Variants in H6PD observed in about 807,000 individuals in gnomAD.
H6PD encodes hexose-6-phosphate dehydrogenase/glucose 1-dehydrogenase, also known as GDH/6PGL endoplasmic bifunctional protein.
H6PD carries 48 observed loss-of-function variants against 61.2 expected under a neutral mutation model. The ratio of observed to expected loss-of-function variants is 0.78; its 90% CI spans 0.62 to 1.00. H6PD has a LOEUF of 1.00. H6PD is among the 50% of genes least tolerant of loss of function. The pLI is 0.00. For missense variants in H6PD, 1,093 were observed against 1,065.0 expected, an observed-to-expected ratio of 1.03 and a Z score of -0.37; for synonymous variants, 480 against 457.9, an observed-to-expected ratio of 1.05 and a Z score of -0.62.
At chr1:9,247,466 C>T (rs1052635555) in intron 3 of H6PD, among the ~76,000 whole-genome samples, 3 of 152,146 alleles carry the variant, frequency 2.0e-5, no homozygotes, top group East Asian at 1.9e-4. Flanking sequence ...CACTCCCCCT[C>T]GCGTCCCCCT....
rs1488721994 is a variant in H6PD, at chr1:9,247,051, A to G, written c.713A>G (p.Glu238Gly). The part of the protein sequence containing the change: ...LWNRHHVERV[E>G]IIMKETVDAE... ...AACCGGCACCATGTGGAGCGGGTGGAGATCATCATGAAAGAGACCGTGGAT... is the reference window on the plus strand; with the variant it reads ...AACCGGCACCATGTGGAGCGGGTGGGGATCATCATGAAAGAGACCGTGGAT... Residue 238 changes from glutamate (E) to glycine (G), a missense_variant, in exon 3 of 5, where the codon GAG (glutamate) becomes GGG (glycine). By Grantham distance (98) the Glu-to-Gly change is moderately conservative (BLOSUM62 -2). Coordinates refer to ENST00000377403, the MANE Select transcript of H6PD (RefSeq NM_004285.4). 1 of 1,613,310 alleles carries G rather than the reference A, an allele frequency of 6.2e-7. No homozygotes were observed. Among genetic ancestry groups the G allele is most frequent in the East Asian group, 2.2e-5 (1 of 44,878 alleles).
At chr1:9,238,525 A>G (rs920850135) in intron 1 of H6PD, among the ~76,000 whole-genome samples, 1 of 152,278 alleles carries the variant, frequency 6.6e-6, no homozygotes, top group African/African-American at 2.4e-5. Flanking sequence ...ATTCTAGATA[A>G]ATTTTGAAGA....
Position 9,263,898 on chromosome 1 carries a change from C to T in H6PD, c.1405C>T (p.Arg469Trp), listed in dbSNP as rs763174546. 1.4e-5 allele frequency: 23 copies of T among 1,614,032 alleles called. No homozygotes were observed. In the Middle Eastern group the frequency reaches 9.9e-4, roughly 69 times the overall value. ...CCTCTTATCCCATATCTTCCATGGC[C>T]GGAAGAATTTCTTCATCACCACAGA... ...SVLLSHIFHGRKNFFITTENL... is the reference protein window; with the variant it reads ...SVLLSHIFHGWKNFFITTENL... The change falls in exon 5 of 5, where the codon CGG becomes TGG. Residue 469 changes from arginine (R) to tryptophan (W), a missense_variant. Arg to Trp is a moderately radical substitution (Grantham distance 101, BLOSUM62 -3). Coordinates refer to ENST00000377403, the MANE Select transcript of H6PD (RefSeq NM_004285.4).
chr1:9,261,187 C>T (rs1638276859), intron 3 of H6PD, among the ~76,000 whole-genome samples: 1 of 152,178 alleles, frequency 6.6e-6, no homozygotes, highest in African/African-American at 2.4e-5. Flanking sequence ...GTCTCGTCTT[C>T]TCCTGCCTCA....
Position 9,245,563 on chromosome 1 carries a change from T to C in H6PD, c.627+2T>C. On this transcript the variant is annotated splice_donor_variant, in intron 2 of 4. Coordinates refer to ENST00000377403, the MANE Select transcript of H6PD (RefSeq NM_004285.4). LOFTEE classifies it high-confidence loss of function. The surrounding 1 kb of genome is among the most constrained non-coding windows in gnomAD (Gnocchi z 4.8). ...GTGGACCATTACTTAGGCAAGCAGG[T>C]GAGCATCAGCATGGAGCCTGCCAGG... 1 of 1,613,942 alleles carries C rather than the reference T, an allele frequency of 6.2e-7. No individual in the cohort carries two copies. Among genetic ancestry groups the C allele is most frequent in the South Asian group, 1.1e-5 (1 of 91,076 alleles).
At chr1:9,235,995 C>T (rs1463945284) in intron 1 of H6PD, among the ~76,000 whole-genome samples, 2 of 152,028 alleles carry the variant, frequency 1.3e-5, no homozygotes, top group African/African-American at 4.8e-5. Flanking sequence ...TGAGTTTTTC[C>T]TTGGCATTTT....
At position 9,264,272 on chromosome 1, in the gene H6PD, G is replaced by T. The variant is rs112274890; in HGVS notation, c.1779G>T (p.Ser593=). The T allele has an allele frequency of 1.2e-6, 2 of 1,609,704 alleles. No individual in the cohort carries two copies. The highest frequency in any genetic ancestry group is 2.2e-5 in the East Asian group (1 of 44,774). Residue 593 remains serine, a synonymous_variant, in exon 5 of 5, where the codon TCG becomes TCT. Transcript: ENST00000377403. ...TCCACCTGGCACTGTCGGGGGGCTC[G>T]AGCCCCGTGGCCCTGTTCCAGCAGC... ...GQFHLALSGG[S]SPVALFQQLA... is the part of the protein sequence containing the mutation.
chr1:9,238,626 T>TG (rs1441890282), intron 1 of H6PD, among the ~76,000 whole-genome samples: 1 of 152,198 alleles, frequency 6.6e-6, no homozygotes, highest in African/African-American at 2.4e-5. Context: ...TTACTGATAA[T>TG]GGGGAAAGCT....
At chr1:9,238,197 C>T (rs779082110) in intron 1 of H6PD, among the ~76,000 whole-genome samples, 1 of 151,972 alleles carries the variant, frequency 6.6e-6, no homozygotes, top group Non-Finnish European at 1.5e-5. Context: ...GTTGGCCAGG[C>T]GGAGAGAACA....
intron 2 of H6PD, among the ~76,000 whole-genome samples, chr1:9,246,312 G>A (rs1438566124): frequency 6.6e-6 from 1 of 152,230 alleles, no homozygotes; most frequent in Non-Finnish European, 1.5e-5. Flanking sequence ...GGCAACAAGA[G>A]CTTAAACCAG....
At position 9,245,685 on chromosome 1, in the gene H6PD, G is replaced by A; in HGVS notation, c.627+124G>A. 1 of 994,130 alleles carries A rather than the reference G, an allele frequency of 1.0e-6. No individual in the cohort carries two copies. The highest frequency in any genetic ancestry group is 1.6e-6 in the Non-Finnish European group (1 of 640,432). 61.6% of individuals were successfully genotyped at this position (994,130 alleles called of 1,614,324 possible). On this transcript the variant is annotated intron_variant, in intron 2 of 4. Transcript: ENST00000377403. The surrounding 1 kb of genome is among the most constrained non-coding windows in gnomAD (Gnocchi z 4.8). ...GCATTGTGAACTCAGAGCTCCCATG[G>A]TCTCCTTGAAGGTGGGCAGGAGGCG... is the stretch of plus-strand genomic sequence containing the variant.
intron 2 of H6PD, 74 bp from the exon 3 acceptor site, chr1:9,246,892 C>T (rs1448105417): frequency 6.9e-6 from 7 of 1,014,794 alleles, no homozygotes; most frequent in Admixed American, 3.4e-5. Context: ...AGGTCAGAGC[C>T]CTTCCCGGGA....
At position 9,269,469 on chromosome 1, in the gene H6PD, C is replaced by T. The variant is rs1282536973; in HGVS notation, c.*4600C>T. The T allele has an allele frequency of 6.6e-6, 1 of 152,276 alleles. No homozygotes were observed. Among genetic ancestry groups the T allele is most frequent in the Non-Finnish European group, 1.5e-5 (1 of 68,076 alleles). The allele number at this position is 152,276 out of a possible 1,614,324, so 9.4% of individuals were successfully genotyped here. A position where few individuals can be genotyped will look rare whatever the true frequency, so the allele number is the denominator to read the frequency against. On this transcript the variant is annotated 3_prime_UTR_variant, in exon 5 of 5. Transcript: ENST00000377403. This position sits in a 1 kb window ranked among gnomAD's most constrained non-coding sequence, Gnocchi z 4.3. ...GGTGCCACTCTGCCCTCGGGGGCTC[C>T]AAGCATTGTAACTCAGTCATGGGAG...
intron 4 of H6PD, among the ~76,000 whole-genome samples, chr1:9,262,698 G>A (rs1364824257): frequency 2.0e-5 from 3 of 152,332 alleles, no homozygotes; most frequent in East Asian, 1.9e-4. Context: ...CACTTCCAGC[G>A]GCCAAGTGCC....
chr1:9,243,689 G>C (rs567200984), intron 1 of H6PD, among the ~76,000 whole-genome samples: 41 of 152,280 alleles, frequency 2.7e-4, no homozygotes, highest in Non-Finnish European at 2.6e-4. Context: ...ACCCACCTTA[G>C]GCCTCTACTT....
At chr1:9,259,977 G>T (rs1641667416) in intron 3 of H6PD, among the ~76,000 whole-genome samples, 1 of 151,832 alleles carries the variant, frequency 6.6e-6, no homozygotes, top group Admixed American at 6.6e-5. Flanking sequence ...CTGCTGTTAT[G>T]TTGTTGTTAC....
intron 3 of H6PD, among the ~76,000 whole-genome samples, chr1:9,251,410 A>C (rs1570101577): frequency 6.6e-6 from 1 of 151,562 alleles, no homozygotes; most frequent in East Asian, 1.9e-4. Flanking sequence ...TTGCTGCCCT[A>C]GTTTCCCCTC....
intron 1 of H6PD, among the ~76,000 whole-genome samples, chr1:9,237,981 G>A (rs185732248): frequency 7.9e-4 from 121 of 152,308 alleles, no homozygotes; most frequent in Admixed American, 1.9e-3. Context: ...AGGAATGGCA[G>A]ACAATAGGCA....
chr1:9,242,543 G>T (rs764581254), intron 1 of H6PD: 1 of 984,932 alleles, frequency 1.0e-6, no homozygotes, highest in Non-Finnish European at 1.2e-6. Flanking sequence ...GGTCAGGGAG[G>T]ACTGTGGCAA....
Sources: allele counts gnomAD v4.1 joint callset (sites outside exome capture counted in the v4.1 genomes callset), GRCh38; gene constraint gnomAD v4.1.1; non-coding constraint Gnocchi (gnomAD v3.1); transcripts MANE v1.5; gene names NCBI Gene and HGNC (gene_info 2026-07-23, HGNC 2026-07-21).